ITPR2: variants seen among roughly 807,000 people sequenced by gnomAD.
ITPR2 encodes the protein inositol 1,4,5-trisphosphate-gated calcium channel ITPR2.
A neutral mutation model predicts 317.1 loss-of-function variants in ITPR2; 207 were observed. The observed-to-expected ratio is 0.65, with a 90% CI of 0.58 to 0.73. The LOEUF (loss-of-function observed/expected upper bound fraction) is 0.73, where lower values mean the gene tolerates loss of function less well. ITPR2 is among the 30% of genes least tolerant of loss of function. ITPR2 has a pLI of 0.00. For missense variants in ITPR2, 2,613 were observed against 3,284.0 expected (o/e 0.80, Z 4.99); for synonymous variants, 1,156 against 1,149.1 (o/e 1.01, Z -0.12).
intron 52 of ITPR2, among the ~76,000 whole-genome samples, chr12:26,406,983 C>A (rs994183588): frequency 2.6e-5 from 4 of 152,198 alleles, no homozygotes; most frequent in African/African-American, 7.2e-5. Context: ...GCCACCATCT[C>A]TGGCTTCCAG....
At chr12:26,649,774 T>C (rs1195335315) in intron 21 of ITPR2, among the ~76,000 whole-genome samples, 5 of 20,914 alleles carry the variant, frequency 2.4e-4, no homozygotes, top group Admixed American at 1.7e-3. Flanking sequence ...ATAGATAGAC[T>C]AGATAGATAG....
At position 26,695,622 on chromosome 12, in the gene ITPR2, T is replaced by C; in HGVS notation, c.980A>G (p.Asn327Ser). ...ELNPDYRDAQ[N>S]EGKNVRDGVP... ...TCTACTCACCACATTTTTTCCTTCA[T>C]TTTGGGCATCTCGATAATCAGGATT... Residue 327 changes from asparagine (N) to serine (S), a missense_variant, in exon 10 of 57, where the codon AAT (asparagine) becomes AGT (serine). Physicochemically the swap from Asn to Ser is conservative, Grantham distance 46 (BLOSUM62 1). Around this residue, in one of 9 missense-constraint regions of ITPR2, gnomAD observed 515 missense variants for 789.4 expected, o/e 0.65. Coordinates refer to ENST00000381340, the MANE Select transcript of ITPR2 (RefSeq NM_002223.4). The C allele has an allele frequency of 1.9e-6, 3 of 1,613,016 alleles. No homozygotes were observed. Among genetic ancestry groups the C allele is most frequent in the African/African-American group, 1.3e-5 (1 of 75,004 alleles).
chr12:26,741,693 G>A (rs1194096781), intron 2 of ITPR2, among the ~76,000 whole-genome samples: 1 of 152,230 alleles, frequency 6.6e-6, no homozygotes, highest in Non-Finnish European at 1.5e-5. Context: ...GTGTGCGTGT[G>A]TGTGTGTGCA....
chr12:26,590,651 C>T (rs1185595555), intron 32 of ITPR2, among the ~76,000 whole-genome samples: 4 of 152,172 alleles, frequency 2.6e-5, no homozygotes, highest in African/African-American at 9.7e-5. Flanking sequence ...AATCTGAGAT[C>T]TCAAACCTTG....
intron 37 of ITPR2, among the ~76,000 whole-genome samples, chr12:26,511,617 TC>T (rs1471259806): frequency 6.6e-6 from 1 of 152,256 alleles, no homozygotes; most frequent in East Asian, 1.9e-4. Flanking sequence ...TAGATTTTTT[TC>T]ATAGAATTCA....
chr12:26,716,571 C>A (rs940098666), intron 5 of ITPR2, among the ~76,000 whole-genome samples: 4 of 152,024 alleles, frequency 2.6e-5, no homozygotes, highest in African/African-American at 9.7e-5. Flanking sequence ...ATGCCATAAG[C>A]ACAACAGAAA....
chr12:26,487,088 G>A lies in ITPR2; in HGVS notation c.5534C>T (p.Thr1845Ile), dbSNP rs763570739. 4.3e-6 allele frequency: 7 copies of A among 1,612,124 alleles called. No homozygotes were observed. The East Asian group carries it at 6.7e-5, about 15-fold the overall frequency. The change falls in exon 40 of 57, where the codon ACA becomes ATA. Residue 1845 changes from threonine (T) to isoleucine (I), a missense_variant. Coordinates refer to ENST00000381340, the MANE Select transcript of ITPR2 (RefSeq NM_002223.4). ...TTTACCTCTCATTCGTGGACCAGATGTCATCAATTCATTGTCATCGTCCCT... is the reference window on the plus strand; with the variant it reads ...TTTACCTCTCATTCGTGGACCAGATATCATCAATTCATTGTCATCGTCCCT... ...KKRDDDNELMTSGPRMRVRDS... is the reference protein window; with the variant it reads ...KKRDDDNELMISGPRMRVRDS...
chr12:26,491,583 T>TA (rs2136864716), intron 39 of ITPR2, among the ~76,000 whole-genome samples: 1 of 148,508 alleles, frequency 6.7e-6, no homozygotes, highest in African/African-American at 2.5e-5. Flanking sequence ...CTTAGAAGAC[T>TA]ACTTGTCACT....
chr12:26,532,704 T>A (rs1943976666), intron 37 of ITPR2, among the ~76,000 whole-genome samples: 1 of 152,188 alleles, frequency 6.6e-6, no homozygotes, highest in Admixed American at 6.5e-5. Context: ...TTTGTTTTTT[T>A]GGAGACGGAG....
Position 26,507,857 on chromosome 12 carries a change from C to CTGTGTGTGTGTGTG in ITPR2, c.5074-12598_5074-12597insCACACACACACACA, listed in dbSNP as rs369130996. Among the ~76,000 whole-genome samples the CTGTGTGTGTGTGTG allele has an allele frequency of 1.1e-3, 94 of 88,318 alleles. 1 individual carries two copies. The highest frequency in any genetic ancestry group is 3.0e-3 in the African/African-American group (88 of 29,702). The allele number at this position is 88,318 out of a possible 152,430, so 57.9% of individuals were successfully genotyped here. A position where few individuals can be genotyped will look rare whatever the true frequency, so the allele number is the denominator to read the frequency against. On this transcript the variant is annotated intron_variant, in intron 37 of 56. Transcript: ENST00000381340. ...TGAATATCTCTCTACTCTTCTCTCTCTGTCTCTGTGTGTGTGTGTGTGTGT... is the reference window on the plus strand; with the variant it reads ...TGAATATCTCTCTACTCTTCTCTCTCTGTGTGTGTGTGTGTGTCTCTGTGTGTGTGTGTGTGTGT...
intron 45 of ITPR2, among the ~76,000 whole-genome samples, chr12:26,453,219 A>G (rs1324408379): frequency 6.6e-6 from 1 of 152,184 alleles, no homozygotes; most frequent in Non-Finnish European, 1.5e-5. Flanking sequence ...TGTATTTTTC[A>G]TGTGAAATTT....
chr12:26,789,574 T>C (rs1950310034), intron 2 of ITPR2, among the ~76,000 whole-genome samples: 1 of 152,232 alleles, frequency 6.6e-6, no homozygotes, highest in South Asian at 2.1e-4. Flanking sequence ...GTTTTAGCTT[T>C]CTGTGATTCT....
At chr12:26,456,254 G>T (rs1011030847) in intron 45 of ITPR2, among the ~76,000 whole-genome samples, 1 of 152,180 alleles carries the variant, frequency 6.6e-6, no homozygotes, top group Non-Finnish European at 1.5e-5. Flanking sequence ...AACCAAGATG[G>T]CAATGAAAGT....
Position 26,475,411 on chromosome 12 carries a change from A to G in ITPR2, c.6227T>C (p.Val2076Ala), listed in dbSNP as rs772383462. The change falls in exon 45 of 57, where the codon GTG becomes GCG. Residue 2076 changes from valine to alanine, a missense_variant. Transcript: ENST00000381340. ...TCCTTGGTTATAGGCATTCTTCATCACATCCACCTATCCAAAAAAAAAAAG... is the reference window on the plus strand; with the variant it reads ...TCCTTGGTTATAGGCATTCTTCATCGCATCCACCTATCCAAAAAAAAAAAG... The part of the protein sequence containing the change: ...FNMRPRELVD[V>A]MKNAYNQGLE... 1 of 1,611,862 alleles carries G rather than the reference A, an allele frequency of 6.2e-7. No homozygotes were observed. The highest frequency in any genetic ancestry group is 1.1e-5 in the South Asian group (1 of 90,278).
At chr12:26,508,700 T>A (rs1212492993) in intron 37 of ITPR2, among the ~76,000 whole-genome samples, 1 of 152,162 alleles carries the variant, frequency 6.6e-6, no homozygotes, top group African/African-American at 2.4e-5. Flanking sequence ...CCCACTAGAA[T>A]GGCTAAAATA....
chr12:26,672,808 C>A (rs1315808447), intron 13 of ITPR2, among the ~76,000 whole-genome samples: 1 of 151,450 alleles, frequency 6.6e-6, no homozygotes, highest in East Asian at 1.9e-4. Flanking sequence ...GCTAGCAAGA[C>A]TAATAAAGAA....
chr12:26,793,017 C>T (rs1370667450), intron 1 of ITPR2, among the ~76,000 whole-genome samples: 1 of 152,158 alleles, frequency 6.6e-6, no homozygotes, highest in African/African-American at 2.4e-5. Flanking sequence ...AGAAATGCAA[C>T]CTACAATTTT....
intron 2 of ITPR2, among the ~76,000 whole-genome samples, chr12:26,771,200 A>G (rs1391724079): frequency 6.6e-6 from 1 of 152,224 alleles, no homozygotes; most frequent in Non-Finnish European, 1.5e-5. Flanking sequence ...AGACTTGGAC[A>G]TGTAGTTTGC....
At chr12:26,475,466 T>G (rs1942396118) in intron 44 of ITPR2, 48 bp from the exon 45 acceptor site, 1 of 1,579,710 alleles carries the variant, frequency 6.3e-7, no homozygotes, top group East Asian at 2.2e-5. Context: ...CAACATCTGC[T>G]TTATATTTTT....
Sources: allele counts gnomAD v4.1 joint callset (sites outside exome capture counted in the v4.1 genomes callset), GRCh38; gene constraint gnomAD v4.1.1; regional missense constraint gnomAD v4.1.1; transcripts MANE v1.5; gene names NCBI Gene and HGNC (gene_info 2026-07-23, HGNC 2026-07-21).